MID1: variants seen among roughly 807,000 people sequenced by gnomAD.
The protein encoded by MID1 is E3 ubiquitin-protein ligase Midline-1.
A neutral mutation model predicts 40.4 loss-of-function variants in MID1; 7 were observed. That is an observed-to-expected ratio of 0.17 (90% confidence interval 0.10 to 0.33). The LOEUF (loss-of-function observed/expected upper bound fraction) is 0.33. Ranked by LOEUF, MID1 falls within the 10% of genes least tolerant of loss-of-function variation. The pLI is 1.00. For missense variants in MID1, 367 were observed against 558.5 expected (o/e 0.66, Z 3.46); for synonymous variants, 229 against 221.2 (o/e 1.04, Z -0.31).
chrX:10,510,313 A>C (rs1287528610), intron 3 of MID1, among the ~76,000 whole-genome samples: 1 of 111,445 alleles, frequency 9.0e-6, no homozygotes, highest in Admixed American at 9.5e-5. Flanking sequence ...CTATCACCCT[A>C]GAAAGTACCC....
chrX:10,479,453 T>G, intron 5 of MID1, among the ~76,000 whole-genome samples: 1 of 111,515 alleles, frequency 9.0e-6, no homozygotes, highest in Non-Finnish European at 1.9e-5. Context: ...TCTTTCTTTT[T>G]TCCCATTAAC....
intron 1 of MID1, among the ~76,000 whole-genome samples, chrX:10,695,374 G>T (rs963940411): frequency 8.1e-5 from 9 of 111,519 alleles, no homozygotes; most frequent in Non-Finnish European, 1.7e-4. Context: ...CGACCCACCT[G>T]CCTTGGCCTC....
In MID1 at chrX:10,567,113, G is replaced by A. The variant is rs768701331; in HGVS notation, c.435C>T (p.Cys145=). ...TCTTATTCGGGTGAGTGGCTTTCAG[G>A]CACTCGTCACAGTAGGATACTTCAC... The part of the protein sequence containing the change: ...VTCEVSYCDE[C]LKATHPNKKP... Residue 145 remains cysteine (C), a synonymous_variant, in exon 2 of 10, where the codon TGC becomes TGT. Coordinates refer to ENST00000317552, the MANE Select transcript of MID1 (RefSeq NM_000381.4). 13 of 1,209,178 alleles carry A rather than the reference G, an allele frequency of 1.1e-5. No individual in the cohort carries two copies. The South Asian group carries it at 2.3e-4, about 21-fold the overall frequency.
chrX:10,578,990 T>C (rs186251764), intron 1 of MID1, among the ~76,000 whole-genome samples: 42 of 112,645 alleles, frequency 3.7e-4, no homozygotes, highest in African/African-American at 1.3e-3. Context: ...TGTAGTTATA[T>C]ACAATGTGCA....
chrX:10,684,970 G>T (rs1326361109), intron 1 of MID1, among the ~76,000 whole-genome samples: 1 of 111,100 alleles, frequency 9.0e-6, no homozygotes, highest in East Asian at 2.8e-4. Context: ...CATATAAGTG[G>T]AATCATAGTC....
At chrX:10,766,188 GTCTTGGGCAGACAGTTGGTC>G (rs1206440861) in intron 1 of MID1, among the ~76,000 whole-genome samples, 3 of 111,864 alleles carry the variant, frequency 2.7e-5, no homozygotes, top group Non-Finnish European at 1.9e-5. Context: ...CTCTGCCTCT[GTCTTGGGCAGACAGTTGGTC>G]ATCTCAAGCT....
chrX:10,500,731 G>A (rs903776550), intron 3 of MID1, among the ~76,000 whole-genome samples: 36 of 111,955 alleles, frequency 3.2e-4, no homozygotes, highest in Non-Finnish European at 5.8e-4. Flanking sequence ...AGCAGCTCCT[G>A]GTTATGATTT....
intron 1 of MID1, among the ~76,000 whole-genome samples, chrX:10,787,308 T>C (rs2043892802): frequency 1.8e-5 from 2 of 109,694 alleles, no homozygotes; most frequent in South Asian, 4.0e-4. Flanking sequence ...CTGGTTTCCC[T>C]TGAGTGCGTA....
intron 1 of MID1, among the ~76,000 whole-genome samples, chrX:10,806,075 A>C (rs2044044465): frequency 9.4e-6 from 1 of 105,967 alleles, no homozygotes; most frequent in Admixed American, 1.0e-4. Flanking sequence ...TCTTTAGTTT[A>C]ATTAGATCCC....
chrX:10,651,853 C>G (rs886686694), intron 1 of MID1, among the ~76,000 whole-genome samples: 6 of 111,359 alleles, frequency 5.4e-5, no homozygotes, highest in Non-Finnish European at 9.4e-5. Flanking sequence ...GTCTTGCTCT[C>G]CTGGGCTCAA....
intron 2 of MID1, among the ~76,000 whole-genome samples, chrX:10,562,923 T>C (rs774390420): frequency 9.4e-6 from 1 of 106,161 alleles, no homozygotes; most frequent in Non-Finnish European, 1.9e-5. Context: ...TATGCAAGTA[T>C]GTGTGTGCAT....
intron 1 of MID1, among the ~76,000 whole-genome samples, chrX:10,647,930 G>A (rs916679754): frequency 4.5e-5 from 5 of 111,862 alleles, no homozygotes; most frequent in Non-Finnish European, 9.4e-5. Context: ...ATCACTGTAT[G>A]ACTACCATCT....
intron 1 of MID1, among the ~76,000 whole-genome samples, chrX:10,690,181 A>G (rs2043123396): frequency 9.0e-6 from 1 of 111,662 alleles, no homozygotes; most frequent in African/African-American, 3.3e-5. Context: ...CTTCCCAAAT[A>G]TCTATGAGGT....
At chrX:10,789,030 A>G (rs2043908655) in intron 1 of MID1, among the ~76,000 whole-genome samples, 1 of 105,256 alleles carries the variant, frequency 9.5e-6, no homozygotes, top group Non-Finnish European at 1.9e-5. Flanking sequence ...CACAAAACAA[A>G]TAAACAAAAA....
intron 4 of MID1, among the ~76,000 whole-genome samples, chrX:10,484,692 A>G (rs1448012074): frequency 1.8e-5 from 2 of 112,212 alleles, no homozygotes; most frequent in Non-Finnish European, 3.8e-5. Flanking sequence ...GAAAAACAGT[A>G]GATGTTTGGG....
intron 1 of MID1, among the ~76,000 whole-genome samples, chrX:10,596,331 T>C (rs1935410759): frequency 8.9e-6 from 1 of 111,875 alleles, no homozygotes; most frequent in Non-Finnish European, 1.9e-5. Flanking sequence ...AGTACTGTCT[T>C]TTTTCTTGTA....
intron 1 of MID1, chrX:10,677,475 C>A (rs769531499): frequency 8.9e-6 from 1 of 112,405 alleles, no homozygotes; most frequent in African/African-American, 3.2e-5. Context: ...CTTTTTATTA[C>A]GTCATTTAAA....
Position 10,581,896 on chromosome X carries a change from C to T in MID1, c.-56-14293G>A, listed in dbSNP as rs774988093. On this transcript the variant is annotated intron_variant, in intron 1 of 9. Transcript: ENST00000317552. Reference sequence around the variant, plus strand: ...AAGGTCACCCTGTCCCATATGCACTCTTTGTCAGAATTTTTTTATTTTGCA... The same window carrying T: ...AAGGTCACCCTGTCCCATATGCACTTTTTGTCAGAATTTTTTTATTTTGCA... Among the ~76,000 whole-genome samples, 12 of 111,742 alleles carry T rather than the reference C, an allele frequency of 1.1e-4. No individual in the cohort carries two copies. In the East Asian group the frequency reaches 3.1e-3, roughly 29 times the overall value.
intron 1 of MID1, among the ~76,000 whole-genome samples, chrX:10,823,444 C>G (rs1221000776): frequency 9.0e-6 from 1 of 111,058 alleles, no homozygotes; most frequent in East Asian, 2.8e-4. Context: ...TGTAACAAAT[C>G]TGCACATCCT....
Sources: gnomAD v4.1 joint callset for allele counts (sites outside exome capture counted in the v4.1 genomes callset) on GRCh38, gnomAD v4.1.1 for gene constraint, MANE v1.5 for transcripts, NCBI Gene and HGNC (gene_info 2026-07-23, HGNC 2026-07-21) for gene names.